GALC: variants seen among roughly 807,000 people sequenced by gnomAD.
The protein encoded by GALC is galactosylceramidase.
GALC carries 77 observed loss-of-function variants against 91.8 expected under a neutral mutation model. The ratio of observed to expected loss-of-function variants is 0.84; its 90% CI spans 0.70 to 1.01. The LOEUF (loss-of-function observed/expected upper bound fraction) is 1.01, where lower values mean the gene tolerates loss of function less well. Ranked by LOEUF, GALC falls within the 50% of genes least tolerant of loss-of-function variation. GALC has a pLI of 0.00. For missense variants in GALC, 882 were observed against 855.9 expected, an observed-to-expected ratio of 1.03 and a Z score of -0.38; for synonymous variants, 357 against 306.7, an observed-to-expected ratio of 1.16 and a Z score of -1.71.
intron 9 of GALC, 22 bp downstream of exon 9, chr14:87,965,483 G>A (rs993961580): frequency 9.3e-6 from 15 of 1,612,136 alleles, no homozygotes; most frequent in Non-Finnish European, 1.3e-5. Context: ...TTTAGGGAGT[G>A]AGAGATGGAA....
intron 15 of GALC, among the ~76,000 whole-genome samples, chr14:87,940,265 G>C (rs1884778751): frequency 6.6e-6 from 1 of 151,924 alleles, no homozygotes; most frequent in Admixed American, 6.6e-5. Context: ...GATAGTATGA[G>C]GTGTTAGCAT....
chr14:87,965,672 T>C (rs1377414047), intron 8 of GALC, 43 bp from the exon 9 acceptor site: 12 of 1,606,624 alleles, frequency 7.5e-6, no homozygotes, highest in Admixed American at 1.7e-5. Flanking sequence ...CAACTTGTGA[T>C]AAAAATGTAA....
intron 6 of GALC, among the ~76,000 whole-genome samples, chr14:87,979,606 C>T (rs1886653561): frequency 6.6e-6 from 1 of 152,124 alleles, no homozygotes; most frequent in African/African-American, 2.4e-5. Flanking sequence ...AAAATATAGC[C>T]CTGTCTTATT....
chr14:87,983,812 C>T (rs1048757858), intron 5 of GALC, among the ~76,000 whole-genome samples: 2 of 152,102 alleles, frequency 1.3e-5, no homozygotes, highest in East Asian at 1.9e-4. Flanking sequence ...GACAGGTGAA[C>T]GCAGATTTCA....
intron 8 of GALC, among the ~76,000 whole-genome samples, chr14:87,966,087 G>A (rs1166571094): frequency 1.3e-5 from 2 of 152,124 alleles, no homozygotes; most frequent in Non-Finnish European, 2.9e-5. Flanking sequence ...AGAATTATTG[G>A]AGTCAGACTG....
intron 15 of GALC, 122 bp downstream of exon 15, chr14:87,941,273 C>T: frequency 1.4e-6 from 1 of 704,592 alleles, no homozygotes. Context: ...CATCCCTTCC[C>T]AATTAGATGT....
At chr14:87,964,555 T>A (rs946319837) in intron 9 of GALC, among the ~76,000 whole-genome samples, 7 of 152,178 alleles carry the variant, frequency 4.6e-5, no homozygotes, top group Admixed American at 3.9e-4. Context: ...GGTTATTATC[T>A]CCTCATGAAA....
At chr14:87,953,970 T>C in intron 10 of GALC, 1 of 1,609,406 alleles carries the variant, frequency 6.2e-7, no homozygotes, top group Non-Finnish European at 8.5e-7. Flanking sequence ...TGCAGCATTT[T>C]GGGCATATAC....
Position 87,933,911 on chromosome 14 carries a change from G to T in GALC, c.*821C>A. The T allele has an allele frequency of 7.6e-7, 1 of 1,319,072 alleles. No homozygotes were observed. The highest frequency in any genetic ancestry group is 1.1e-6 in the Non-Finnish European group (1 of 949,356). 81.7% of individuals were successfully genotyped at this position (1,319,072 alleles called of 1,614,324 possible). ...GTGAGTCTGTTACCAGTGCACATGT[G>T]AGGACAGACCACAGCACAGTGAGAT... On this transcript the variant is annotated 3_prime_UTR_variant, in exon 17 of 17. Coordinates refer to ENST00000261304, the MANE Select transcript of GALC (RefSeq NM_000153.4).
In GALC at chr14:87,945,632, G is replaced by A. The variant is rs749893889; in HGVS notation, c.1591C>T (p.Arg531Cys). Residue 531 changes from arginine (R) to cysteine (C), a missense_variant, in exon 14 of 17, where the codon CGC becomes TGC. By Grantham distance (180) the Arg-to-Cys change is radical (BLOSUM62 -3). Transcript: ENST00000261304. ...EDPGEHHFTL[R>C]QVLNQRPITW... Reference sequence around the variant, plus strand: ...ATGGGTCTCTGGTTGAGAACTTGGCGTAGCGTGAAGTGATGCTCGCCAGGG... The same window carrying A: ...ATGGGTCTCTGGTTGAGAACTTGGCATAGCGTGAAGTGATGCTCGCCAGGG... 1.7e-5 allele frequency: 28 copies of A among 1,609,872 alleles called. No individual in the cohort carries two copies. Among genetic ancestry groups the A allele is most frequent in the African/African-American group, 2.7e-5 (2 of 74,878 alleles).
chr14:87,942,117 C>T (rs1595190717), intron 14 of GALC, among the ~76,000 whole-genome samples: 1 of 151,952 alleles, frequency 6.6e-6, no homozygotes, highest in African/African-American at 2.4e-5. Flanking sequence ...TCTAGGAGGG[C>T]TTCTCACACC....
Position 87,934,467 on chromosome 14 carries a change from T to G in GALC, c.*265A>C, listed in dbSNP as rs1426025530. 2 of 1,360,944 alleles carry G rather than the reference T, an allele frequency of 1.5e-6. No homozygotes were observed. Among genetic ancestry groups the G allele is most frequent in the Admixed American group, 3.1e-5 (1 of 32,762 alleles). The allele number at this position is 1,360,944 out of a possible 1,614,324, so 84.3% of individuals were successfully genotyped here. A position where few individuals can be genotyped will look rare whatever the true frequency, so the allele number is the denominator to read the frequency against. On this transcript the variant is annotated 3_prime_UTR_variant, in exon 17 of 17. Transcript: ENST00000261304. The stretch of plus-strand genomic sequence containing the variant: ...TCGAGGTCTGTACTACTCAAACCAC[T>G]CCTAAGGGTATGGCCAATGCACAGT...
intron 10 of GALC, among the ~76,000 whole-genome samples, chr14:87,962,835 C>G (rs1885865531): frequency 6.6e-6 from 1 of 152,114 alleles, no homozygotes; most frequent in African/African-American, 2.4e-5. Context: ...TCTCCACTGG[C>G]TTCTGCTTCT....
Position 87,933,906 on chromosome 14 carries a change from C to T in GALC, c.*826G>A. ...GCTGTGTGAGTCTGTTACCAGTGCA[C>T]ATGTGAGGACAGACCACAGCACAGT... On this transcript the variant is annotated 3_prime_UTR_variant, in exon 17 of 17. Transcript: ENST00000261304. 8.1e-7 allele frequency: 1 copy of T among 1,241,886 alleles called. No homozygotes were observed. The highest frequency in any genetic ancestry group is 1.1e-6 in the Non-Finnish European group (1 of 879,836). 76.9% of individuals were successfully genotyped at this position (1,241,886 alleles called of 1,614,324 possible). A position where few individuals can be genotyped will look rare whatever the true frequency, so the allele number is the denominator to read the frequency against.
At chr14:87,951,754 TAAA>T (rs1007577146) in intron 10 of GALC, among the ~76,000 whole-genome samples, 1 of 151,534 alleles carries the variant, frequency 6.6e-6, no homozygotes, top group African/African-American at 2.4e-5. Flanking sequence ...AAAGGAAAAA[TAAA>T]AAGAGAAATT....
chr14:87,955,068 C>G, intron 10 of GALC: 1 of 1,335,916 alleles, frequency 7.5e-7, no homozygotes, highest in Non-Finnish European at 1.1e-6. Flanking sequence ...TGTCGGCAGT[C>G]AGCGCAGAAC....
chr14:87,961,846 C>T (rs905127933), intron 10 of GALC, among the ~76,000 whole-genome samples: 7 of 152,118 alleles, frequency 4.6e-5, no homozygotes, highest in African/African-American at 1.4e-4. Flanking sequence ...CTGAAGTACC[C>T]GATCGAGAGA....
Position 87,988,442 on chromosome 14 carries a change from A to G in GALC, c.264+13T>C. 1 of 1,531,694 alleles carries G rather than the reference A, an allele frequency of 6.5e-7. No homozygotes were observed. The highest frequency in any genetic ancestry group is 9.0e-7 in the Non-Finnish European group (1 of 1,105,336). The allele number at this position is 1,531,694 out of a possible 1,614,324, so 94.9% of individuals were successfully genotyped here. The stretch of plus-strand genomic sequence containing the variant: ...ATATCACAGGTACCATGAAATAATT[A>G]TGTTTTCATTACCTTAAAGAGATAA... On this transcript the variant is annotated intron_variant, in intron 2 of 16. Transcript: ENST00000261304.
chr14:87,988,363 T>C (rs1887059252), intron 2 of GALC, 92 bp downstream of exon 2: 8 of 1,279,090 alleles, frequency 6.3e-6, no homozygotes, highest in Non-Finnish European at 9.1e-6. Context: ...TTTCAAAAAC[T>C]AGAATTGTGA....
Sources: gnomAD v4.1 joint callset for allele counts (sites outside exome capture counted in the v4.1 genomes callset) on GRCh38, gnomAD v4.1.1 for gene constraint, MANE v1.5 for transcripts, NCBI Gene and HGNC (gene_info 2026-07-23, HGNC 2026-07-21) for gene names.